Variants in PRKN observed in about 807,000 individuals in gnomAD.
PRKN encodes the protein parkin RBR E3 ubiquitin protein ligase, also known as E3 ubiquitin-protein ligase parkin.
PRKN carries 56 observed loss-of-function variants against 59.5 expected under a neutral mutation model. The ratio of observed to expected loss-of-function variants is 0.94; its 90% CI spans 0.76 to 1.18. PRKN has a LOEUF of 1.18. Among genes scored for constraint, PRKN ranks in the 50% most tolerant of loss-of-function variants. The pLI is 0.00. For missense variants in PRKN, 657 were observed against 596.4 expected (o/e 1.10, Z -1.06); for synonymous variants, 250 against 222.1 (o/e 1.13, Z -1.12).
intron 1 of PRKN, chr6:162,727,011 AAG>A (rs1180652381): frequency 6.6e-6 from 1 of 152,054 alleles, no homozygotes; most frequent in African/African-American, 2.4e-5. Context: ...AAAAAAAAAA[AAG>A]AAAGGTTATT....
At chr6:162,414,962 C>A (rs1364708833) in intron 2 of PRKN, among the ~76,000 whole-genome samples, 1 of 151,972 alleles carries the variant, frequency 6.6e-6, no homozygotes, top group Non-Finnish European at 1.5e-5. Flanking sequence ...AATTTCTGTT[C>A]TTTTATTTAA....
At position 162,245,068 on chromosome 6, in the gene PRKN, T is replaced by G. The variant is rs565816774; in HGVS notation, c.412+17457A>C. On this transcript the variant is annotated intron_variant, in intron 3 of 11. Coordinates refer to ENST00000366898, the MANE Select transcript of PRKN (RefSeq NM_004562.3). ...GGAGCAAAGTATATTTACCAAAACA[T>G]TTTACATATTAAATAGGACTATTTT... Among the ~76,000 whole-genome samples the G allele has an allele frequency of 1.3e-3, 194 of 152,238 alleles. 1 individual carries two copies. Among genetic ancestry groups the G allele is most frequent in the African/African-American group, 4.3e-3 (178 of 41,550 alleles).
At chr6:162,579,225 C>T (rs1020692034) in intron 1 of PRKN, among the ~76,000 whole-genome samples, 5 of 152,156 alleles carry the variant, frequency 3.3e-5, no homozygotes, top group African/African-American at 1.2e-4. Context: ...AAGAATATGA[C>T]ATTAAACATG....
chr6:162,197,299 ATAT>A (rs1784533023), intron 4 of PRKN, among the ~76,000 whole-genome samples: 1 of 152,170 alleles, frequency 6.6e-6, no homozygotes, highest in Non-Finnish European at 1.5e-5. Context: ...ATCCACAGAA[ATAT>A]TATTTGTAGG....
chr6:161,542,211 G>C (rs1172704864), intron 9 of PRKN, among the ~76,000 whole-genome samples: 1 of 152,144 alleles, frequency 6.6e-6, no homozygotes, highest in Admixed American at 6.5e-5. Context: ...TATAATACAT[G>C]TGACATACAA....
intron 7 of PRKN, among the ~76,000 whole-genome samples, chr6:161,665,141 C>T (rs764777938): frequency 6.6e-6 from 1 of 151,998 alleles, no homozygotes; most frequent in African/African-American, 2.4e-5. Context: ...AGTAAAAAAA[C>T]CAATGAACAT....
At chr6:162,549,050 C>G (rs192732279) in intron 1 of PRKN, among the ~76,000 whole-genome samples, 38 of 152,152 alleles carry the variant, frequency 2.5e-4, no homozygotes, top group South Asian at 1.5e-3. Flanking sequence ...TCCTGCCCCC[C>G]CAAGATGATG....
chr6:162,540,596 C>T (rs931970614), intron 1 of PRKN, among the ~76,000 whole-genome samples: 21 of 151,948 alleles, frequency 1.4e-4, no homozygotes, highest in Admixed American at 3.3e-4. Context: ...CACCTGAGGT[C>T]AGGAGTTCGA....
At chr6:161,874,884 AT>A (rs1207753250) in intron 6 of PRKN, among the ~76,000 whole-genome samples, 1 of 104,192 alleles carries the variant, frequency 9.6e-6, no homozygotes, top group Non-Finnish European at 1.7e-5. Flanking sequence ...TATAAAATAT[AT>A]AATATATAAT....
At chr6:162,646,161 C>T (rs1052998579) in intron 1 of PRKN, among the ~76,000 whole-genome samples, 39 of 152,184 alleles carry the variant, frequency 2.6e-4, no homozygotes, top group Admixed American at 1.3e-3. Context: ...TGTGAGCCAC[C>T]ACACCCGGCC....
intron 1 of PRKN, among the ~76,000 whole-genome samples, chr6:162,487,004 A>G (rs1392787401): frequency 6.6e-6 from 1 of 152,068 alleles, no homozygotes; most frequent in Non-Finnish European, 1.5e-5. Context: ...TAGGAGGCAG[A>G]GGTTGCAGTG....
In PRKN at chr6:162,285,343, T is replaced by C. The variant is rs766518211; in HGVS notation, c.172-22578A>G. On this transcript the variant is annotated intron_variant, in intron 2 of 11. Transcript: ENST00000366898. ...TGACATAACATCTGGGCACCATGGG[T>C]AGTACCTCCTTTATGACAGATACTT... is the stretch of plus-strand genomic sequence containing the variant. Among the ~76,000 whole-genome samples, 97 of 145,784 alleles carry C rather than the reference T, an allele frequency of 6.7e-4. 1 individual carries two copies. The highest frequency in any genetic ancestry group is 3.2e-3 in the Admixed American group (44 of 13,668).
intron 7 of PRKN, among the ~76,000 whole-genome samples, chr6:161,633,378 C>G (rs139774535): frequency 1.3e-5 from 2 of 152,360 alleles, no homozygotes; most frequent in East Asian, 3.9e-4. Flanking sequence ...GTCTACTTCA[C>G]TTCATACTAT....
chr6:161,442,834 A>G lies in PRKN; in HGVS notation c.1084-55957T>C, dbSNP rs992886172. Among the ~76,000 whole-genome samples the G allele has an allele frequency of 2.0e-5, 3 of 152,352 alleles. No individual in the cohort carries two copies. Among genetic ancestry groups the G allele is most frequent in the African/African-American group, 7.2e-5 (3 of 41,588 alleles). ...CCCTTTCATTTTGGACATCGTAACAACTAAACATAACATTTATATCACTAT... is the reference window on the plus strand; with the variant it reads ...CCCTTTCATTTTGGACATCGTAACAGCTAAACATAACATTTATATCACTAT... On this transcript the variant is annotated intron_variant, in intron 9 of 11. Transcript: ENST00000366898. The surrounding 1 kb of genome is among the most constrained non-coding windows in gnomAD (Gnocchi z 4.6).
chr6:162,672,685 AGTGTGTGTGTGTGTGT>A (rs56722608), intron 1 of PRKN, among the ~76,000 whole-genome samples: 4 of 149,064 alleles, frequency 2.7e-5, no homozygotes, highest in Non-Finnish European at 6.0e-5. Context: ...TTGGGGGAAA[AGTGTGTGTGTGTGTGT>A]GTGTGTGTGT....
chr6:161,774,471 A>G (rs1175783294), intron 7 of PRKN, among the ~76,000 whole-genome samples: 6 of 151,828 alleles, frequency 4.0e-5, no homozygotes, highest in Non-Finnish European at 5.9e-5. Flanking sequence ...GAGTTCTGGT[A>G]CAAGGAACGT....
chr6:161,461,760 C>T lies in PRKN; in HGVS notation c.1084-74883G>A, dbSNP rs1790235279. 6.8e-6 allele frequency among the ~76,000 whole-genome samples: 1 copy of T among 147,460 alleles called. No homozygotes were observed. The highest frequency in any genetic ancestry group is 1.5e-5 in the Non-Finnish European group (1 of 67,894). On this transcript the variant is annotated intron_variant, in intron 9 of 11. Coordinates refer to ENST00000366898, the MANE Select transcript of PRKN (RefSeq NM_004562.3). This position sits in a 1 kb window ranked among gnomAD's most constrained non-coding sequence, Gnocchi z 5.1. ...ATATTGACATTTTACATTTGAAATG[C>T]TTATGAAAATTCCAAATGGAGGTAT...
Position 161,480,054 on chromosome 6 carries a change from A to G in PRKN, c.1083+68800T>C, listed in dbSNP as rs529425290. ...GCCCAGGTGAAGGTGAGCCTCTGTC[A>G]GCCTCGGCCTTGATGAGGAGGGCAG... On this transcript the variant is annotated intron_variant, in intron 9 of 11. Transcript: ENST00000366898. This position sits in a 1 kb window ranked among gnomAD's most constrained non-coding sequence, Gnocchi z 4.1. 6.6e-6 allele frequency among the ~76,000 whole-genome samples: 1 copy of G among 152,296 alleles called. No individual in the cohort carries two copies. The highest frequency in any genetic ancestry group is 1.9e-4 in the East Asian group (1 of 5,180).
intron 5 of PRKN, among the ~76,000 whole-genome samples, chr6:162,026,982 C>A (rs1378234167): frequency 6.6e-6 from 1 of 152,074 alleles, no homozygotes; most frequent in Non-Finnish European, 1.5e-5. Flanking sequence ...AAACTAGAAA[C>A]CACTTTGAAT....
Sources: allele counts gnomAD v4.1 joint callset (sites outside exome capture counted in the v4.1 genomes callset), GRCh38; gene constraint gnomAD v4.1.1; non-coding constraint Gnocchi (gnomAD v3.1); transcripts MANE v1.5; gene names NCBI Gene and HGNC (gene_info 2026-07-23, HGNC 2026-07-21).